Variants in ZFAND6 observed in about 807,000 individuals in gnomAD.
ZFAND6 encodes the protein AN1-type zinc finger protein 6.
ZFAND6 carries 12 observed loss-of-function variants against 24.5 expected under a neutral mutation model. The observed-to-expected ratio is 0.49, with a 90% CI of 0.31 to 0.79. ZFAND6 has a LOEUF of 0.79. ZFAND6 is among the 30% of genes least tolerant of loss of function. The pLI, the probability that ZFAND6 is intolerant of heterozygous loss-of-function variation, is 0.04. For missense variants in ZFAND6, 207 were observed against 245.9 expected (o/e 0.84, Z 1.06); for synonymous variants, 92 against 81.5 (o/e 1.13, Z -0.69).
intron 5 of ZFAND6, among the ~76,000 whole-genome samples, chr15:80,129,212 C>A (rs917458503): frequency 6.6e-6 from 1 of 152,144 alleles, no homozygotes; most frequent in African/African-American, 2.4e-5. Flanking sequence ...GATATTTATT[C>A]ATTGAAAATA....
chr15:80,137,869 G>A lies in ZFAND6; in HGVS notation c.*241G>A. The A allele has an allele frequency of 3.1e-6, 1 of 326,664 alleles. No individual in the cohort carries two copies. The highest frequency in any genetic ancestry group is 5.4e-6 in the Non-Finnish European group (1 of 183,912). The allele number at this position is 326,664 out of a possible 1,614,324, so 20.2% of individuals were successfully genotyped here. A position where few individuals can be genotyped will look rare whatever the true frequency, so the allele number is the denominator to read the frequency against. ...TTTTAAGATCATTTTAATTTTAGTT[G>A]AGTGCAGAGGGCTTTTATAACAAAC... On this transcript the variant is annotated 3_prime_UTR_variant, in exon 7 of 7. Coordinates refer to ENST00000261749, the MANE Select transcript of ZFAND6 (RefSeq NM_019006.4).
intron 3 of ZFAND6, 112 bp downstream of exon 3, chr15:80,120,610 A>C: frequency 1.1e-6 from 1 of 927,396 alleles, no homozygotes. Context: ...TACCATATTC[A>C]TATCAGTAAA....
intron 2 of ZFAND6, among the ~76,000 whole-genome samples, chr15:80,106,006 A>G (rs1293247774): frequency 1.3e-5 from 2 of 152,192 alleles, no homozygotes; most frequent in African/African-American, 4.8e-5. Context: ...ATGTTTGTGC[A>G]GATACGTGAA....
At chr15:80,061,406 A>T (rs952719179) in intron 1 of ZFAND6, among the ~76,000 whole-genome samples, 1 of 152,214 alleles carries the variant, frequency 6.6e-6, no homozygotes, top group Non-Finnish European at 1.5e-5. Flanking sequence ...AAAACACGGT[A>T]AAGTATAAGC....
At chr15:80,108,550 G>C (rs11072881) in intron 2 of ZFAND6, among the ~76,000 whole-genome samples, 79,173 of 151,942 alleles carry the variant, frequency 0.52, 22,595 homozygotes, top group Non-Finnish European at 0.65. Flanking sequence ...TGTTCTTTAA[G>C]GTATGTGATA....
chr15:80,111,576 C>G (rs1372965143), intron 2 of ZFAND6: 1 of 455,544 alleles, frequency 2.2e-6, no homozygotes, highest in Non-Finnish European at 4.4e-6. Flanking sequence ...TTTATTTTAC[C>G]AGTATAACTA....
At chr15:80,111,018 G>T (rs1214458083) in intron 2 of ZFAND6, among the ~76,000 whole-genome samples, 2 of 152,196 alleles carry the variant, frequency 1.3e-5, no homozygotes, top group Non-Finnish European at 2.9e-5. Context: ...AGCAAGGAAA[G>T]AAAACATAGT....
intron 2 of ZFAND6, among the ~76,000 whole-genome samples, chr15:80,100,473 T>G (rs1468235183): frequency 6.6e-6 from 1 of 151,148 alleles, no homozygotes; most frequent in Non-Finnish European, 1.5e-5. Flanking sequence ...GTCCCAAATT[T>G]CTTTTTATCT....
At chr15:80,084,750 C>T (rs762022819) in intron 1 of ZFAND6, among the ~76,000 whole-genome samples, 1 of 152,184 alleles carries the variant, frequency 6.6e-6, no homozygotes, top group Non-Finnish European at 1.5e-5. Context: ...CTTTTACTAA[C>T]CTGCAGATTT....
intron 1 of ZFAND6, among the ~76,000 whole-genome samples, chr15:80,060,977 C>T (rs552277995): frequency 1.3e-5 from 2 of 152,118 alleles, no homozygotes; most frequent in East Asian, 3.9e-4. Context: ...GATTAAATTC[C>T]TCTTTCAAAC....
chr15:80,077,912 C>G, intron 1 of ZFAND6, among the ~76,000 whole-genome samples: 1 of 151,858 alleles, frequency 6.6e-6, no homozygotes. Flanking sequence ...ATTGGCCAGG[C>G]TGGTCTCGAA....
At chr15:80,095,582 G>A (rs1159265405) in intron 1 of ZFAND6, among the ~76,000 whole-genome samples, 2 of 152,148 alleles carry the variant, frequency 1.3e-5, no homozygotes, top group Non-Finnish European at 2.9e-5. Flanking sequence ...TAATAATTCA[G>A]ATATTTAATG....
At chr15:80,059,918 C>G (rs1398990318) in intron 1 of ZFAND6, 109 bp downstream of exon 1, 2 of 151,088 alleles carry the variant, frequency 1.3e-5, no homozygotes, top group Non-Finnish European at 3.0e-5. Flanking sequence ...CGGCCCCTCC[C>G]GGCGCCCGAG....
At chr15:80,063,580 C>T (rs926491125) in intron 1 of ZFAND6, among the ~76,000 whole-genome samples, 6 of 145,136 alleles carry the variant, frequency 4.1e-5, no homozygotes, top group Admixed American at 7.0e-5. Context: ...TTTTTTGAGA[C>T]GGAATCTTAC....
At chr15:80,121,657 G>T in intron 3 of ZFAND6, 55 bp from the exon 4 acceptor site, 4 of 1,466,526 alleles carry the variant, frequency 2.7e-6, no homozygotes, top group Non-Finnish European at 3.8e-6. Flanking sequence ...TTTAGATAAG[G>T]TCTTAGACTG....
chr15:80,072,663 T>C (rs2037046060), intron 1 of ZFAND6: 1 of 152,070 alleles, frequency 6.6e-6, no homozygotes, highest in South Asian at 2.1e-4. Context: ...ATTTTTGTTC[T>C]AATCTTTTTA....
rs530652754 is a variant in ZFAND6, at chr15:80,138,217, G to A, written c.*589G>A. ...AGTTTGTGTGTTTAAACTTTTTTTT[G>A]AGCGAGGGAAGAAAAAGCTGTATGC... On this transcript the variant is annotated 3_prime_UTR_variant, in exon 7 of 7. Transcript: ENST00000261749. 1 of 152,348 alleles carries A rather than the reference G, an allele frequency of 6.6e-6. No individual in the cohort carries two copies. Among genetic ancestry groups the A allele is most frequent in the African/African-American group, 2.4e-5 (1 of 41,278 alleles). 9.4% of individuals were successfully genotyped at this position (152,348 alleles called of 1,614,324 possible).
chr15:80,127,961 T>TA (rs953047708), intron 5 of ZFAND6, among the ~76,000 whole-genome samples: 19 of 151,172 alleles, frequency 1.3e-4, no homozygotes, highest in South Asian at 1.0e-3. Flanking sequence ...GATCATTGGA[T>TA]AAAAAAAAAT....
chr15:80,075,608 T>A (rs929543978), intron 1 of ZFAND6, among the ~76,000 whole-genome samples: 1 of 152,104 alleles, frequency 6.6e-6, no homozygotes, highest in African/African-American at 2.4e-5. Flanking sequence ...TGTTGTTAGA[T>A]GCCATTCAAG....
Sources: allele counts gnomAD v4.1 joint callset (sites outside exome capture counted in the v4.1 genomes callset), GRCh38; gene constraint gnomAD v4.1.1; transcripts MANE v1.5; gene names NCBI Gene and HGNC (gene_info 2026-07-23, HGNC 2026-07-21).